AGMO: variants seen among roughly 807,000 people sequenced by gnomAD.
AGMO encodes the protein alkylglycerol monooxygenase.
In AGMO, 75 loss-of-function variants were observed where a neutral mutation model predicts 60.2. That is an observed-to-expected ratio of 1.25 (90% CI 1.03 to 1.51). AGMO has a LOEUF of 1.51. Ranked by LOEUF, AGMO falls within the 40% of genes most tolerant of loss-of-function variation. The probability of loss-of-function intolerance (pLI) is 0.00; values close to 1 mark genes in which losing one functional copy is unlikely to be tolerated. For missense variants in AGMO, 763 were observed against 525.5 expected (o/e 1.45, Z -4.42); for synonymous variants, 261 against 177.1 (o/e 1.47, Z -3.76).
chr7:15,222,201 A>C lies in AGMO; in HGVS notation c.1264-20842T>G, dbSNP rs148413912. 3.4e-3 allele frequency among the ~76,000 whole-genome samples: 513 copies of C among 152,238 alleles called. 1 individual carries two copies. The highest frequency in any genetic ancestry group is 0.011 in the African/African-American group (476 of 41,568). On this transcript the variant is annotated intron_variant, in intron 12 of 12. Coordinates refer to ENST00000342526, the MANE Select transcript of AGMO (RefSeq NM_001004320.2). ...AATATTTCTGAATCCAAAATGTTTA[A>C]CAAGTTATCTAATAACAGATTTTTT... is the stretch of plus-strand genomic sequence containing the variant.
intron 1 of AGMO, 48 bp downstream of exon 1, chr7:15,561,671 AT>A (rs758853522): frequency 1.3e-6 from 2 of 1,515,424 alleles, no homozygotes; most frequent in Admixed American, 4.1e-5. Flanking sequence ...CTTACCATTT[AT>A]TAAGAAAGCA....
At chr7:15,201,773 C>T (rs561168876) in intron 12 of AGMO, among the ~76,000 whole-genome samples, 1 of 152,168 alleles carries the variant, frequency 6.6e-6, no homozygotes, top group South Asian at 2.1e-4. Flanking sequence ...AGAATCCCTC[C>T]AAGTCAGTAT....
At chr7:15,164,319 G>T in the AGMO span, among the ~76,000 whole-genome samples, 1 of 151,950 alleles carries the variant, frequency 6.6e-6, no homozygotes, top group Non-Finnish European at 1.5e-5. Flanking sequence ...AAATTATCTG[G>T]ACATTGGCCT....
chr7:15,267,340 T>C (rs1583344644), intron 12 of AGMO, among the ~76,000 whole-genome samples: 1 of 151,956 alleles, frequency 6.6e-6, no homozygotes, highest in South Asian at 2.1e-4. Flanking sequence ...CTAGTATCAG[T>C]ATTAAGTGAA....
At chr7:15,196,031 C>T (rs1301897076), downstream of AGMO, among the ~76,000 whole-genome samples, 1 of 151,336 alleles carries the variant, frequency 6.6e-6, no homozygotes, top group Non-Finnish European at 1.5e-5. Context: ...TTTTCTTTCC[C>T]CCTCCTCTCC....
intron 12 of AGMO, among the ~76,000 whole-genome samples, chr7:15,230,749 T>C (rs1179287893): frequency 1.3e-5 from 2 of 152,020 alleles, no homozygotes; most frequent in African/African-American, 2.4e-5. Context: ...CCACAGTACT[T>C]CTCACTCCTC....
intron 2 of AGMO, among the ~76,000 whole-genome samples, chr7:15,558,762 T>C (rs1426111107): frequency 6.6e-6 from 1 of 152,168 alleles, no homozygotes; most frequent in African/African-American, 2.4e-5. Flanking sequence ...CTTTTAAGTT[T>C]ACTTTTATTT....
chr7:15,240,383 G>A (rs1202771412), intron 12 of AGMO, among the ~76,000 whole-genome samples: 2 of 152,094 alleles, frequency 1.3e-5, no homozygotes, highest in Non-Finnish European at 2.9e-5. Context: ...TTAGTGACCA[G>A]CCTTCATCTG....
At chr7:15,238,152 TG>T (rs1410231289) in intron 12 of AGMO, among the ~76,000 whole-genome samples, 1 of 152,110 alleles carries the variant, frequency 6.6e-6, no homozygotes, top group East Asian at 1.9e-4. Context: ...TCAGTAGTAT[TG>T]ACCCTTATAT....
At chr7:15,247,544 C>G (rs1782784698) in intron 12 of AGMO, among the ~76,000 whole-genome samples, 1 of 151,588 alleles carries the variant, frequency 6.6e-6, no homozygotes, top group Non-Finnish European at 1.5e-5. Flanking sequence ...GCTCCATTAG[C>G]ATTCACCACC....
chr7:15,298,070 G>A (rs1351224949), intron 12 of AGMO, among the ~76,000 whole-genome samples: 1 of 151,930 alleles, frequency 6.6e-6, no homozygotes, highest in African/African-American at 2.4e-5. Context: ...TCTGTGTTTT[G>A]AAGAGGACAT....
chr7:15,123,340 C>T, the AGMO span, among the ~76,000 whole-genome samples: 2 of 151,970 alleles, frequency 1.3e-5, no homozygotes, highest in Admixed American at 1.3e-4. Flanking sequence ...GTATGTTGCA[C>T]CTTTGTTTTG....
chr7:15,533,275 C>A (rs780810368), intron 3 of AGMO, among the ~76,000 whole-genome samples: 3 of 151,910 alleles, frequency 2.0e-5, no homozygotes, highest in Non-Finnish European at 4.4e-5. Context: ...ATTCATCAAT[C>A]TATTTTCTTG....
At chr7:15,340,763 G>T (rs555682924) in intron 12 of AGMO, among the ~76,000 whole-genome samples, 1 of 152,168 alleles carries the variant, frequency 6.6e-6, no homozygotes, top group Non-Finnish European at 1.5e-5. Flanking sequence ...GTGCTGCAGG[G>T]GTGGAGCCCT....
intron 3 of AGMO, among the ~76,000 whole-genome samples, chr7:15,529,036 G>C (rs146189065): frequency 2.2e-4 from 33 of 151,742 alleles, no homozygotes; most frequent in Non-Finnish European, 4.4e-4. Context: ...GACACAAAAA[G>C]ACAAAAAAAA....
chr7:15,167,111 A>G, the AGMO span, among the ~76,000 whole-genome samples: 7 of 152,194 alleles, frequency 4.6e-5, no homozygotes, highest in African/African-American at 1.7e-4. Flanking sequence ...ATAACACCAT[A>G]AATCATGAAA....
chr7:15,249,993 G>A (rs1024572351), intron 12 of AGMO, among the ~76,000 whole-genome samples: 17 of 152,066 alleles, frequency 1.1e-4, no homozygotes, highest in Non-Finnish European at 1.0e-4. Context: ...AGATTGCACC[G>A]GTCAGTATTT....
In AGMO at chr7:15,252,761, T is replaced by C. The variant is rs1262669814; in HGVS notation, c.1264-51402A>G. On this transcript the variant is annotated intron_variant, in intron 12 of 12. Coordinates refer to ENST00000342526, the MANE Select transcript of AGMO (RefSeq NM_001004320.2). ...CTGTTAGATTTCCAGCTGGAACTGT[T>C]GCATGGACTGAGCTGTGTAACACTC... Among the ~76,000 whole-genome samples, 6 of 152,316 alleles carry C rather than the reference T, an allele frequency of 3.9e-5. 1 individual carries two copies. The South Asian group carries it at 6.2e-4, about 16-fold the overall frequency.
rs145535046 is a variant in AGMO at position 15,411,876 on chromosome 7, C to A, written c.609+6682G>T. Among the ~76,000 whole-genome samples, 558 of 152,128 alleles carry A rather than the reference C, an allele frequency of 3.7e-3. 3 individuals carry two copies. Among genetic ancestry groups the A allele is most frequent in the African/African-American group, 0.013 (533 of 41,522 alleles). ...TTACCTAAAAAAAAGTATCTTTACA[C>A]ATGAGTGGATCTTGAGTAAATTTAA... On this transcript the variant is annotated intron_variant, in intron 5 of 12. Coordinates refer to ENST00000342526, the MANE Select transcript of AGMO (RefSeq NM_001004320.2).
Sources: allele counts gnomAD v4.1 joint callset (sites outside exome capture counted in the v4.1 genomes callset), GRCh38; gene constraint gnomAD v4.1.1; transcripts MANE v1.5; gene names NCBI Gene and HGNC (gene_info 2026-07-23, HGNC 2026-07-21).